Variants in DPY19L1 observed in about 807,000 individuals in gnomAD.
The protein encoded by DPY19L1 is dpy-19 like C-mannosyltransferase 1.
Under a neutral mutation model 96.9 loss-of-function variants are expected in DPY19L1, and 35 were observed. The observed-to-expected ratio is 0.36, with a 90% CI of 0.28 to 0.48. The LOEUF (loss-of-function observed/expected upper bound fraction) is 0.48, where lower values mean the gene tolerates loss of function less well. Among genes scored for constraint, DPY19L1 ranks in the 20% least tolerant of loss-of-function variants. The pLI is 0.99. For missense variants in DPY19L1, 521 were observed against 777.9 expected, an observed-to-expected ratio of 0.67 and a Z score of 3.93; for synonymous variants, 205 against 252.6, an observed-to-expected ratio of 0.81 and a Z score of 1.79.
chr7:34,949,138 C>T (rs550747362), intron 14 of DPY19L1, among the ~76,000 whole-genome samples: 1 of 152,232 alleles, frequency 6.6e-6, no homozygotes, highest in South Asian at 2.1e-4. Context: ...TCGAACTAAA[C>T]CAGCTCATAA....
chr7:34,993,117 G>A (rs988844769), intron 6 of DPY19L1, among the ~76,000 whole-genome samples: 21 of 152,136 alleles, frequency 1.4e-4, no homozygotes, highest in African/African-American at 4.3e-4. Context: ...AATTTGCGGC[G>A]TATTCTATCA....
chr7:35,023,833 C>CTTTTCTTT (rs1554363473), intron 1 of DPY19L1, among the ~76,000 whole-genome samples: 49 of 111,812 alleles, frequency 4.4e-4, no homozygotes, highest in African/African-American at 1.6e-3. Context: ...CTTTTCTTTT[C>CTTTTCTTT]TTTTTTTTTT....
At chr7:34,983,676 A>G (rs1386382932) in intron 7 of DPY19L1, among the ~76,000 whole-genome samples, 6 of 28,334 alleles carry the variant, frequency 2.1e-4, no homozygotes, top group Admixed American at 7.0e-4. Flanking sequence ...GAATAGAGAG[A>G]AAAAAAAAAA....
At chr7:34,935,693 AG>A in intron 21 of DPY19L1, among the ~76,000 whole-genome samples, 1 of 152,294 alleles carries the variant, frequency 6.6e-6, no homozygotes, top group East Asian at 1.9e-4. Context: ...AGCAATCTAC[AG>A]GGGTTTCAGG....
At chr7:35,036,562 T>G (rs905304464) in intron 1 of DPY19L1, among the ~76,000 whole-genome samples, 5 of 151,794 alleles carry the variant, frequency 3.3e-5, no homozygotes, top group African/African-American at 1.2e-4. Context: ...GAAAGTGACG[T>G]GTCGAGGGGA....
chr7:34,942,570 T>C (rs750767487), intron 17 of DPY19L1, 45 bp downstream of exon 17: 3 of 1,486,266 alleles, frequency 2.0e-6, no homozygotes, highest in African/African-American at 2.8e-5. Flanking sequence ...TCCAAATGCA[T>C]GCAACTTTAA....
chr7:35,015,168 A>C (rs1584256778), intron 3 of DPY19L1, among the ~76,000 whole-genome samples: 1 of 152,342 alleles, frequency 6.6e-6, no homozygotes, highest in East Asian at 1.9e-4. Flanking sequence ...TGATTTTGGA[A>C]ACATATGTTT....
Position 34,980,304 on chromosome 7 carries a change from C to T in DPY19L1, c.823-6699G>A, listed in dbSNP as rs149117789. ...ATGTGAAAGCTACACCAAGGTTTTC[C>T]CTTATATTTTCTTCAAGCTTCTAAA... On this transcript the variant is annotated intron_variant, in intron 7 of 21. Transcript: ENST00000638088. Among the ~76,000 whole-genome samples the T allele has an allele frequency of 6.0e-3, 905 of 152,078 alleles. 10 individuals are homozygous for T. The highest frequency in any genetic ancestry group is 0.019 in the African/African-American group (804 of 41,496).
chr7:34,940,350 T>C (rs1178622651), intron 18 of DPY19L1, 23 bp from the exon 19 acceptor site: 12 of 1,596,840 alleles, frequency 7.5e-6, no homozygotes, highest in African/African-American at 1.3e-5. Context: ...TAAGAATACA[T>C]TGGTAATTGT....
intron 9 of DPY19L1, among the ~76,000 whole-genome samples, chr7:34,968,726 G>A (rs770890327): frequency 1.0e-4 from 12 of 115,242 alleles, no homozygotes; most frequent in East Asian, 9.0e-4. Flanking sequence ...CCGAGATTGC[G>A]CCACTGCATT....
intron 19 of DPY19L1, among the ~76,000 whole-genome samples, chr7:34,939,947 A>G (rs1783961120): frequency 6.6e-6 from 1 of 152,212 alleles, no homozygotes; most frequent in South Asian, 2.1e-4. Context: ...AGAATAAATT[A>G]CTAAGAACAT....
intron 13 of DPY19L1, among the ~76,000 whole-genome samples, chr7:34,953,146 G>C (rs1431712274): frequency 1.3e-5 from 2 of 152,120 alleles, no homozygotes; most frequent in African/African-American, 4.8e-5. Flanking sequence ...AACTCAGTAG[G>C]AAATAAAAGG....
intron 11 of DPY19L1, among the ~76,000 whole-genome samples, chr7:34,955,970 T>A (rs1026168936): frequency 1.6e-4 from 23 of 145,738 alleles, no homozygotes; most frequent in Non-Finnish European, 3.2e-4. Flanking sequence ...CAAAGTGAAA[T>A]TATAAATATA....
At chr7:34,965,437 T>C (rs1166891596) in intron 10 of DPY19L1, among the ~76,000 whole-genome samples, 2 of 152,176 alleles carry the variant, frequency 1.3e-5, no homozygotes, top group Non-Finnish European at 2.9e-5. Context: ...TAAAAATATG[T>C]ACTATTTAGT....
intron 2 of DPY19L1, among the ~76,000 whole-genome samples, chr7:35,018,251 T>C (rs567130329): frequency 1.4e-4 from 21 of 152,282 alleles, no homozygotes; most frequent in African/African-American, 4.3e-4. Flanking sequence ...TGTCATTGGG[T>C]TACCATTTTA....
At chr7:34,982,484 G>C (rs1433471327) in intron 7 of DPY19L1, among the ~76,000 whole-genome samples, 5 of 152,166 alleles carry the variant, frequency 3.3e-5, no homozygotes, top group African/African-American at 7.2e-5. Context: ...GTTTCAATTT[G>C]TTCAAAATAA....
At chr7:35,001,971 A>G (rs1237110712) in intron 6 of DPY19L1, among the ~76,000 whole-genome samples, 1 of 152,038 alleles carries the variant, frequency 6.6e-6, no homozygotes, top group Non-Finnish European at 1.5e-5. Flanking sequence ...TAAAAAATAC[A>G]AAAATTGGCT....
intron 21 of DPY19L1, among the ~76,000 whole-genome samples, chr7:34,935,943 T>G (rs908986529): frequency 6.6e-6 from 1 of 152,138 alleles, no homozygotes; most frequent in Admixed American, 6.5e-5. Flanking sequence ...TTCCTGACAG[T>G]GTGTCATCAG....
intron 15 of DPY19L1, among the ~76,000 whole-genome samples, chr7:34,947,294 A>G (rs1784168979): frequency 6.6e-6 from 1 of 152,176 alleles, no homozygotes; most frequent in Non-Finnish European, 1.5e-5. Context: ...TATTTTAAAT[A>G]TTTTAGGGAA....
Sources: gnomAD v4.1 joint callset for allele counts (sites outside exome capture counted in the v4.1 genomes callset) on GRCh38, gnomAD v4.1.1 for gene constraint, MANE v1.5 for transcripts, NCBI Gene and HGNC (gene_info 2026-07-23, HGNC 2026-07-21) for gene names.